DNAH6: variants seen among roughly 807,000 people sequenced by gnomAD.
DNAH6 encodes the protein dynein axonemal heavy chain 6.
In DNAH6, 340 loss-of-function variants were observed where a neutral mutation model predicts 491.4. The observed-to-expected ratio is 0.69, with a 90% confidence interval of 0.63 to 0.76. The LOEUF (loss-of-function observed/expected upper bound fraction) is 0.76. DNAH6 is among the 30% of genes least tolerant of loss of function. The probability of loss-of-function intolerance (pLI) is 0.00; values close to 1 mark genes in which losing one functional copy is unlikely to be tolerated. For missense variants in DNAH6, 4,443 were observed against 4,972.2 expected, an observed-to-expected ratio of 0.89 and a Z score of 3.20; for synonymous variants, 1,603 against 1,686.1, an observed-to-expected ratio of 0.95 and a Z score of 1.21.
chr2:84,498,909 AT>A, the DNAH6 span, among the ~76,000 whole-genome samples: 3 of 151,958 alleles, frequency 2.0e-5, no homozygotes, highest in Non-Finnish European at 4.4e-5. Context: ...CTGTTTTTAA[AT>A]TTTTTTAATG....
intron 59 of DNAH6, 89 bp from the exon 60 acceptor site, chr2:84,722,536 C>T (rs1322464681): frequency 8.8e-7 from 1 of 1,137,618 alleles, no homozygotes; most frequent in Admixed American, 3.1e-5. Flanking sequence ...ATCCTTATTT[C>T]TTCCCTAGAC....
At chr2:84,585,416 G>A (rs1388886708) in intron 15 of DNAH6, among the ~76,000 whole-genome samples, 1 of 152,124 alleles carries the variant, frequency 6.6e-6, no homozygotes, top group Admixed American at 6.5e-5. Flanking sequence ...ACAAGTGGAG[G>A]GTGAGCAAGA....
rs1295373928 is a variant in DNAH6, at chr2:84,703,383, A to G, written c.8062-12A>G. The G allele has an allele frequency of 1.3e-6, 2 of 1,485,620 alleles. No homozygotes were observed. Among genetic ancestry groups the G allele is most frequent in the South Asian group, 2.8e-5 (2 of 71,880 alleles). 92.0% of individuals were successfully genotyped at this position (1,485,620 alleles called of 1,614,324 possible). A position where few individuals can be genotyped will look rare whatever the true frequency, so the allele number is the denominator to read the frequency against. Reference sequence around the variant, plus strand: ...AATGCTCATTATAATATAAATTTTCATTGTCACTTAGGCACGAGATCGGGT... The same window carrying G: ...AATGCTCATTATAATATAAATTTTCGTTGTCACTTAGGCACGAGATCGGGT... On this transcript the variant is annotated splice_polypyrimidine_tract_variant and intron_variant, in intron 49 of 76. Coordinates refer to ENST00000389394, the MANE Select transcript of DNAH6 (RefSeq NM_001370.2).
intron 65 of DNAH6, 24 bp from the exon 66 acceptor site, chr2:84,784,698 T>C (rs1378580930): frequency 1.1e-5 from 16 of 1,480,228 alleles, no homozygotes; most frequent in Non-Finnish European, 1.5e-5. Context: ...TCCTTTTTTG[T>C]TGTTTTATCT....
the DNAH6 span, among the ~76,000 whole-genome samples, chr2:84,471,576 G>C: frequency 6.6e-6 from 1 of 152,058 alleles, no homozygotes; most frequent in African/African-American, 2.4e-5. Context: ...TGTGACTCTG[G>C]TCGGTCCTCA....
intron 22 of DNAH6, among the ~76,000 whole-genome samples, chr2:84,615,306 T>C (rs527337412): frequency 1.3e-5 from 2 of 152,226 alleles, no homozygotes; most frequent in East Asian, 3.9e-4. Context: ...TTTCCCACTT[T>C]ATGTTTTTGT....
rs1358014079 is a variant in DNAH6, at chr2:84,727,748, T to A, written c.10052T>A (p.Leu3351His). ...QRLDVLLEQT[L>H]LTAYVNVSRG... ...CTGGACGTACTACTAGAACAAACTC[T>A]CCTAACTGCTTATGTCAATGTTTCA... The change falls in exon 61 of 77, where the codon CTC becomes CAC. Residue 3351 changes from leucine (L) to histidine (H), a missense_variant. Leu to His is a moderately conservative substitution (Grantham distance 99, BLOSUM62 -3). Coordinates refer to ENST00000389394, the MANE Select transcript of DNAH6 (RefSeq NM_001370.2). 1.3e-6 allele frequency: 2 copies of A among 1,551,406 alleles called. No homozygotes were observed. Among genetic ancestry groups the A allele is most frequent in the Non-Finnish European group, 1.7e-6 (2 of 1,146,804 alleles).
rs547604969 is a variant in DNAH6, at chr2:84,561,229, C to T, written c.1803+3294C>T. ...AACAGAACAGAGCCCTCAGAAATAA[C>T]GCCGCATATCTTCAACTATCTGATC... On this transcript the variant is annotated intron_variant, in intron 11 of 76. Transcript: ENST00000389394. Among the ~76,000 whole-genome samples the T allele has an allele frequency of 3.5e-3, 527 of 152,148 alleles. 1 individual carries two copies. The highest frequency in any genetic ancestry group is 0.011 in the African/African-American group (476 of 41,508).
chr2:84,707,815 T>C, intron 54 of DNAH6, 99 bp downstream of exon 54: 1 of 838,714 alleles, frequency 1.2e-6, no homozygotes. Context: ...CTCTCCACTG[T>C]AGAGGTTCTT....
intron 4 of DNAH6, among the ~76,000 whole-genome samples, chr2:84,536,429 T>G (rs1376897370): frequency 6.6e-6 from 1 of 152,090 alleles, no homozygotes; most frequent in Non-Finnish European, 1.5e-5. Flanking sequence ...ATGTTTAAAA[T>G]GGTTCTCATG....
intron 31 of DNAH6, among the ~76,000 whole-genome samples, chr2:84,637,811 C>T (rs1010807770): frequency 5.9e-5 from 9 of 152,180 alleles, no homozygotes; most frequent in African/African-American, 1.9e-4. Context: ...TATGTATCAA[C>T]TTAGTCAAAA....
chr2:84,707,473 A>T, intron 53 of DNAH6, 47 bp from the exon 54 acceptor site: 2 of 1,457,876 alleles, frequency 1.4e-6, no homozygotes, highest in Non-Finnish European at 1.8e-6. Context: ...TTAATACTTT[A>T]TGAAAATATT....
Position 84,634,535 on chromosome 2 carries a change from A to T in DNAH6, c.4547A>T (p.Gln1516Leu). 1 of 1,547,208 alleles carries T rather than the reference A, an allele frequency of 6.5e-7. No individual in the cohort carries two copies. Among genetic ancestry groups the T allele is most frequent in the Non-Finnish European group, 8.7e-7 (1 of 1,145,512 alleles). ...GGGCGCTTCTTCAGTGGCTTGGCAC[A>T]GTCAGGGGCCTGGTGCTGCTTTGAT... is the stretch of plus-strand genomic sequence containing the variant. ...MMGRFFSGLA[Q>L]SGAWCCFDEF... The change falls in exon 30 of 77, where the codon CAG (glutamine) becomes CTG (leucine). Residue 1516 changes from glutamine to leucine, a missense_variant. Gln to Leu is a moderately radical substitution (Grantham distance 113). Around this residue, in one of 3 missense-constraint regions of DNAH6, gnomAD observed 2,977 missense variants for 3,296.6 expected, o/e 0.90. Coordinates refer to ENST00000389394, the MANE Select transcript of DNAH6 (RefSeq NM_001370.2).
intron 22 of DNAH6, among the ~76,000 whole-genome samples, chr2:84,614,554 T>C (rs1686656703): frequency 6.6e-6 from 1 of 152,176 alleles, no homozygotes; most frequent in Non-Finnish European, 1.5e-5. Flanking sequence ...TACCCAGTAA[T>C]GGGATTGCTG....
chr2:84,545,140 C>A (rs1015740875), intron 5 of DNAH6, among the ~76,000 whole-genome samples: 2 of 152,158 alleles, frequency 1.3e-5, no homozygotes, highest in African/African-American at 4.8e-5. Context: ...TGGTCCTCAG[C>A]TGTCTTATTT....
At chr2:84,785,257 A>G (rs927628885) in intron 66 of DNAH6, among the ~76,000 whole-genome samples, 1 of 152,210 alleles carries the variant, frequency 6.6e-6, no homozygotes, top group African/African-American at 2.4e-5. Context: ...ACATCAGGGG[A>G]CAAACTATGG....
At chr2:84,633,971 C>G (rs1688637839) in intron 29 of DNAH6, among the ~76,000 whole-genome samples, 1 of 152,086 alleles carries the variant, frequency 6.6e-6, no homozygotes, top group African/African-American at 2.4e-5. Flanking sequence ...TCTCAAGTGC[C>G]CAAAAGAAAT....
At chr2:84,641,427 CACA>C (rs1689385675) in intron 32 of DNAH6, among the ~76,000 whole-genome samples, 2 of 152,126 alleles carry the variant, frequency 1.3e-5, no homozygotes, top group African/African-American at 4.8e-5. Flanking sequence ...ACTGGAGGAG[CACA>C]ACTACAGTCC....
At chr2:84,461,918 C>A in the DNAH6 span, among the ~76,000 whole-genome samples, 2 of 152,144 alleles carry the variant, frequency 1.3e-5, no homozygotes, top group South Asian at 4.1e-4. Flanking sequence ...TTCTCACCCC[C>A]ACATCCCAGC....
Sources: allele counts gnomAD v4.1 joint callset (sites outside exome capture counted in the v4.1 genomes callset), GRCh38; gene constraint gnomAD v4.1.1; regional missense constraint gnomAD v4.1.1; transcripts MANE v1.5; gene names NCBI Gene and HGNC (gene_info 2026-07-23, HGNC 2026-07-21).